DGLUCY: variants seen among roughly 807,000 people sequenced by gnomAD.
DGLUCY encodes the protein D-glutamate cyclase, mitochondrial.
A neutral mutation model predicts 58.5 loss-of-function variants in DGLUCY; 58 were observed. That is an observed-to-expected ratio of 0.99 (90% confidence interval 0.80 to 1.23). The LOEUF is 1.23. Among genes scored for constraint, DGLUCY ranks in the 50% most tolerant of loss-of-function variants. The probability of loss-of-function intolerance (pLI) is 0.00; values close to 1 mark genes in which losing one functional copy is unlikely to be tolerated. For missense variants in DGLUCY, 779 were observed against 784.7 expected (o/e 0.99, Z 0.09); for synonymous variants, 325 against 314.1 (o/e 1.03, Z -0.37).
chr14:91,186,798 A>G (rs1048735342), intron 8 of DGLUCY, among the ~76,000 whole-genome samples: 10 of 152,082 alleles, frequency 6.6e-5, no homozygotes, highest in African/African-American at 2.4e-4. Context: ...CCAGCACACT[A>G]TGTGATGGGC....
intron 5 of DGLUCY, among the ~76,000 whole-genome samples, chr14:91,171,995 C>T (rs1395058909): frequency 2.0e-5 from 3 of 152,230 alleles, no homozygotes; most frequent in African/African-American, 7.2e-5. Context: ...AATTCAGAGG[C>T]TCCATGATAT....
At chr14:91,184,870 T>C (rs1467048684) in intron 8 of DGLUCY, among the ~76,000 whole-genome samples, 1 of 152,100 alleles carries the variant, frequency 6.6e-6, no homozygotes, top group Non-Finnish European at 1.5e-5. Flanking sequence ...TATAATCCTA[T>C]AGTAAATTAA....
chr14:91,150,974 C>G (rs2047303525), intron 1 of DGLUCY, among the ~76,000 whole-genome samples: 1 of 152,180 alleles, frequency 6.6e-6, no homozygotes, highest in Non-Finnish European at 1.5e-5. Context: ...CCCACCCCAT[C>G]TCCTGGACCC....
At chr14:91,169,891 G>A (rs1033720759) in intron 4 of DGLUCY, 112 bp from the exon 5 acceptor site, 2 of 1,191,934 alleles carry the variant, frequency 1.7e-6, no homozygotes, top group Non-Finnish European at 2.4e-6. Flanking sequence ...TGCCAGGGCT[G>A]AAAATTTCAG....
At chr14:91,138,538 T>C (rs369275725) in intron 1 of DGLUCY, among the ~76,000 whole-genome samples, 79 of 152,110 alleles carry the variant, frequency 5.2e-4, no homozygotes, top group Non-Finnish European at 1.0e-3. Flanking sequence ...GGGTAACTTA[T>C]AAAGGAAAGA....
chr14:91,179,313 T>C (rs2049027959), intron 7 of DGLUCY, among the ~76,000 whole-genome samples: 2 of 152,024 alleles, frequency 1.3e-5, no homozygotes, highest in South Asian at 4.1e-4. Context: ...GGCCAGGCTC[T>C]GTGGCTCATG....
intron 1 of DGLUCY, among the ~76,000 whole-genome samples, chr14:91,078,609 G>A (rs1595615858): frequency 6.6e-6 from 1 of 152,176 alleles, no homozygotes; most frequent in Non-Finnish European, 1.5e-5. Context: ...TAAGATTAAA[G>A]TAGCAGTTGT....
At chr14:91,142,840 A>ACACACAC (rs2046785072) in intron 1 of DGLUCY, among the ~76,000 whole-genome samples, 8 of 124,226 alleles carry the variant, frequency 6.4e-5, no homozygotes, top group African/African-American at 2.4e-4. Flanking sequence ...ATCTCTACTA[A>ACACACAC]ACACACACAC....
rs749271897 is a variant in DGLUCY at position 91,224,750 on chromosome 14, A to G, written c.1783A>G (p.Met595Val). 1 of 1,613,804 alleles carries G rather than the reference A, an allele frequency of 6.2e-7. No homozygotes were observed. The highest frequency in any genetic ancestry group is 8.5e-7 in the Non-Finnish European group (1 of 1,179,816). ...GAGTGGCGTCTCGGGCATCGTGGGC[A>G]TGGAGGTGGATGGGCTGCCCTTCCA... ...VRSGVSGIVG[M>V]EVDGLPFHNT... The change falls in exon 14 of 14, where the codon ATG (methionine) becomes GTG (valine). Residue 595 changes from methionine to valine, a missense_variant. Physicochemically the swap from Met to Val is conservative, Grantham distance 21 (BLOSUM62 1). Transcript: ENST00000256324.
intron 1 of DGLUCY, among the ~76,000 whole-genome samples, chr14:91,152,399 G>GA (rs1188154752): frequency 6.6e-6 from 1 of 151,504 alleles, no homozygotes; most frequent in Non-Finnish European, 1.5e-5. Context: ...CCTGTCTCAA[G>GA]AAAAAAAATA....
At chr14:91,074,000 A>G (rs2043965854) in intron 1 of DGLUCY, among the ~76,000 whole-genome samples, 1 of 151,190 alleles carries the variant, frequency 6.6e-6, no homozygotes, top group Non-Finnish European at 1.5e-5. Flanking sequence ...TCACACCTAT[A>G]ATCCCAGCAC....
At chr14:91,156,766 T>C (rs77182824) in intron 1 of DGLUCY, among the ~76,000 whole-genome samples, 4,715 of 152,306 alleles carry the variant, frequency 0.031, 86 homozygotes, top group South Asian at 0.037. Context: ...TGATTGGATC[T>C]CATCTCACCT....
intron 3 of DGLUCY, among the ~76,000 whole-genome samples, chr14:91,163,878 G>A (rs1036880474): frequency 6.6e-6 from 1 of 152,198 alleles, no homozygotes; most frequent in South Asian, 2.1e-4. Context: ...TATTGTAGGA[G>A]AGAAAGGGAC....
intron 1 of DGLUCY, among the ~76,000 whole-genome samples, chr14:91,099,352 G>A (rs763401007): frequency 3.3e-5 from 5 of 152,074 alleles, no homozygotes; most frequent in Non-Finnish European, 7.4e-5. Flanking sequence ...GGCCAACATG[G>A]TGAAACCCCG....
At chr14:91,184,661 G>A (rs1219397061) in intron 8 of DGLUCY, among the ~76,000 whole-genome samples, 1 of 130,464 alleles carries the variant, frequency 7.7e-6, no homozygotes, top group Non-Finnish European at 1.6e-5. Flanking sequence ...GGGAGGGAAG[G>A]AGGGAGGGAG....
intron 13 of DGLUCY, chr14:91,223,777 C>T (rs1334831858): frequency 1.7e-6 from 2 of 1,150,170 alleles, no homozygotes; most frequent in East Asian, 1.2e-4. Context: ...TGCCAAGGAC[C>T]CTGCTAAGTG....
intron 1 of DGLUCY, among the ~76,000 whole-genome samples, chr14:91,085,276 C>T (rs1359404773): frequency 6.7e-6 from 1 of 149,258 alleles, no homozygotes; most frequent in Non-Finnish European, 1.5e-5. Context: ...CTCCGCTAAA[C>T]AAGTAAACCT....
At chr14:91,175,911 A>G (rs1363625848) in intron 6 of DGLUCY, 23 bp from the exon 7 acceptor site, 1 of 1,612,940 alleles carries the variant, frequency 6.2e-7, no homozygotes, top group South Asian at 1.1e-5. Context: ...TGAGGAAATT[A>G]CATTTTCCTT....
rs114487701 is a variant in DGLUCY at position 91,177,966 on chromosome 14, G to A, written c.730+1910G>A. Reference sequence around the variant, plus strand: ...CATGTGTGTAGACACACCCACCCACGTGCAGTAAACGTCCCCCAGCCCAGT... The same window carrying A: ...CATGTGTGTAGACACACCCACCCACATGCAGTAAACGTCCCCCAGCCCAGT... On this transcript the variant is annotated intron_variant, in intron 7 of 13. Coordinates refer to ENST00000256324, the MANE Select transcript of DGLUCY (RefSeq NM_001102368.3). 4.9e-3 allele frequency among the ~76,000 whole-genome samples: 741 copies of A among 152,242 alleles called. 4 individuals are homozygous for A. Among genetic ancestry groups the A allele is most frequent in the African/African-American group, 0.016 (652 of 41,540 alleles).
Sources: allele counts gnomAD v4.1 joint callset (sites outside exome capture counted in the v4.1 genomes callset), GRCh38; gene constraint gnomAD v4.1.1; transcripts MANE v1.5; gene names NCBI Gene and HGNC (gene_info 2026-07-23, HGNC 2026-07-21).